The following WASF1 variants were observed in gnomAD, a reference collection of about 807,000 sequenced individuals.
WASF1 encodes the protein WASP family member 1, also known as actin-binding protein WASF1.
Under a neutral mutation model 50.5 loss-of-function variants are expected in WASF1, and 7 were observed. The observed-to-expected ratio is 0.14, with a 90% CI of 0.08 to 0.26. The LOEUF (loss-of-function observed/expected upper bound fraction) is 0.26. Among genes scored for constraint, WASF1 ranks in the 10% least tolerant of loss-of-function variants. The pLI, the probability that WASF1 is intolerant of heterozygous loss-of-function variation, is 1.00. For synonymous variants in WASF1, 205 were observed against 244.0 expected, an observed-to-expected ratio of 0.84 and a Z score of 1.49; for missense variants, 470 against 694.7, an observed-to-expected ratio of 0.68 and a Z score of 3.64.
chr6:110,149,971 T>G (rs1206578971), intron 3 of WASF1, among the ~76,000 whole-genome samples: 1 of 152,164 alleles, frequency 6.6e-6, no homozygotes, highest in Non-Finnish European at 1.5e-5. Flanking sequence ...CAAGCAATCC[T>G]CCTGCCTCAG....
intron 3 of WASF1, among the ~76,000 whole-genome samples, chr6:110,145,556 T>A (rs974112120): frequency 3.9e-5 from 6 of 152,196 alleles, no homozygotes; most frequent in African/African-American, 1.4e-4. Flanking sequence ...AAGGGAATGC[T>A]TCCAGTTTTT....
chr6:110,129,771 T>G (rs1176702053), intron 3 of WASF1, among the ~76,000 whole-genome samples: 1 of 152,236 alleles, frequency 6.6e-6, no homozygotes, highest in East Asian at 1.9e-4. Flanking sequence ...TTGATTCCAA[T>G]ATCTTCAATG....
intron 2 of WASF1, among the ~76,000 whole-genome samples, chr6:110,163,893 C>T (rs1776364433): frequency 6.6e-6 from 1 of 151,362 alleles, no homozygotes; most frequent in Non-Finnish European, 1.5e-5. Context: ...GAATAAAGAG[C>T]CCAGAAACAG....
intron 5 of WASF1, among the ~76,000 whole-genome samples, chr6:110,108,924 C>T (rs1478859836): frequency 6.6e-6 from 1 of 152,132 alleles, no homozygotes. Flanking sequence ...GCTCAGAGGG[C>T]CCTAATGACA....
At chr6:110,134,332 T>C (rs1473169252) in intron 3 of WASF1, among the ~76,000 whole-genome samples, 1 of 152,202 alleles carries the variant, frequency 6.6e-6, no homozygotes, top group Non-Finnish European at 1.5e-5. Flanking sequence ...CCCCACTTTA[T>C]GTTTTCATTT....
chr6:110,104,806 G>A (rs1348825635), intron 8 of WASF1, among the ~76,000 whole-genome samples: 5 of 152,026 alleles, frequency 3.3e-5, no homozygotes, highest in East Asian at 1.9e-4. Context: ...ACAAACAAAC[G>A]TATGACTATA....
intron 3 of WASF1, among the ~76,000 whole-genome samples, chr6:110,159,859 T>C (rs1776189500): frequency 6.6e-6 from 1 of 151,898 alleles, no homozygotes; most frequent in African/African-American, 2.4e-5. Flanking sequence ...CCACTTGTGG[T>C]ATCATGTTGG....
At chr6:110,140,197 A>G (rs887133664) in intron 3 of WASF1, among the ~76,000 whole-genome samples, 5 of 152,192 alleles carry the variant, frequency 3.3e-5, no homozygotes, top group Non-Finnish European at 7.3e-5. Context: ...TATGTAATGA[A>G]GCCTCCCTAA....
At chr6:110,119,394 A>G (rs1430477211) in intron 4 of WASF1, among the ~76,000 whole-genome samples, 2 of 152,244 alleles carry the variant, frequency 1.3e-5, no homozygotes, top group Non-Finnish European at 2.9e-5. Flanking sequence ...AACTACCATC[A>G]GAGAATACTA....
chr6:110,120,215 AG>A (rs1253876425), intron 4 of WASF1, among the ~76,000 whole-genome samples: 3 of 152,182 alleles, frequency 2.0e-5, no homozygotes, highest in African/African-American at 4.8e-5. Flanking sequence ...AAAGAAATAA[AG>A]GGTATTCAAT....
intron 3 of WASF1, 59 bp from the exon 4 acceptor site, chr6:110,127,688 T>C (rs1370259355): frequency 7.1e-5 from 97 of 1,367,284 alleles, no homozygotes; most frequent in Non-Finnish European, 9.0e-5. Context: ...AGAATGAGAC[T>C]TTATTTTTCA....
At chr6:110,136,444 T>C (rs1430782567) in intron 3 of WASF1, among the ~76,000 whole-genome samples, 1 of 152,224 alleles carries the variant, frequency 6.6e-6, no homozygotes. Flanking sequence ...CTACATCTTC[T>C]ATAGCTTTAC....
chr6:110,131,861 T>C (rs1307624884), intron 3 of WASF1, among the ~76,000 whole-genome samples: 1 of 152,190 alleles, frequency 6.6e-6, no homozygotes, highest in Non-Finnish European at 1.5e-5. Flanking sequence ...TCCAAAAATA[T>C]TGTTTATTCT....
chr6:110,136,312 C>T (rs997288571), intron 3 of WASF1, among the ~76,000 whole-genome samples: 5 of 152,102 alleles, frequency 3.3e-5, no homozygotes, highest in African/African-American at 1.2e-4. Context: ...TGTATTTACA[C>T]TTTATTGTCC....
At chr6:110,137,466 T>C (rs1775020330) in intron 3 of WASF1, among the ~76,000 whole-genome samples, 1 of 152,356 alleles carries the variant, frequency 6.6e-6, no homozygotes, top group African/African-American at 2.4e-5. Context: ...ATCTAAGCTG[T>C]TGGACTCTAT....
chr6:110,145,047 G>A (rs1775483487), intron 3 of WASF1, among the ~76,000 whole-genome samples: 1 of 152,082 alleles, frequency 6.6e-6, no homozygotes, highest in Non-Finnish European at 1.5e-5. Context: ...AATTACCTTG[G>A]GCAGTATGGC....
chr6:110,119,462 C>T (rs985676377), intron 4 of WASF1, among the ~76,000 whole-genome samples: 1 of 152,084 alleles, frequency 6.6e-6, no homozygotes, highest in East Asian at 1.9e-4. Context: ...AATTCCTGGA[C>T]ACATACACCC....
At chr6:110,109,064 G>C (rs1773445739) in intron 5 of WASF1, among the ~76,000 whole-genome samples, 1 of 151,466 alleles carries the variant, frequency 6.6e-6, no homozygotes, top group Non-Finnish European at 1.5e-5. Flanking sequence ...CCTTTTTTTA[G>C]CTTACACCAG....
rs746992907 is a variant in WASF1 at position 110,105,563 on chromosome 6, C to T, written c.557G>A (p.Arg186His). ...TGGCACTTTTTCTGGTTCATGAGGACGATCTAGATTTTTCTGCTATAACAG... is the reference window on the plus strand; with the variant it reads ...TGGCACTTTTTCTGGTTCATGAGGATGATCTAGATTTTTCTGCTATAACAG... ...KRKQKQKNLD[R>H]PHEPEKVPRA... The change falls in exon 8 of 11, where the codon CGT becomes CAT. Residue 186 changes from arginine (R) to histidine (H), a missense_variant. Transcript: ENST00000392589. The T allele has an allele frequency of 3.7e-6, 6 of 1,613,110 alleles. 1 individual carries two copies. The highest frequency in any genetic ancestry group is 2.2e-5 in the South Asian group (2 of 90,892).
Sources: gnomAD v4.1 joint callset for allele counts (sites outside exome capture counted in the v4.1 genomes callset) on GRCh38, gnomAD v4.1.1 for gene constraint, MANE v1.5 for transcripts, NCBI Gene and HGNC (gene_info 2026-07-23, HGNC 2026-07-21) for gene names.